The following DSCAML1 variants were observed in gnomAD, a reference collection of about 807,000 sequenced individuals.
The protein encoded by DSCAML1 is DS cell adhesion molecule like 1, also known as cell adhesion molecule DSCAML1.
DSCAML1 carries 38 observed loss-of-function variants against 200.5 expected under a neutral mutation model. The ratio of observed to expected loss-of-function variants is 0.19; its 90% CI spans 0.15 to 0.25. The LOEUF (loss-of-function observed/expected upper bound fraction) is 0.25. Ranked by LOEUF, DSCAML1 falls within the 10% of genes least tolerant of loss-of-function variation. The pLI is 1.00. For synonymous variants in DSCAML1, 1,215 were observed against 1,165.0 expected, an observed-to-expected ratio of 1.04 and a Z score of -0.87; for missense variants, 2,223 against 2,858.8, an observed-to-expected ratio of 0.78 and a Z score of 5.07.
In DSCAML1 at chr11:117,637,832, C is replaced by T. The variant is rs540726408; in HGVS notation, c.512-105310G>A. 2.6e-5 allele frequency among the ~76,000 whole-genome samples: 4 copies of T among 152,322 alleles called. No homozygotes were observed. In the South Asian group the frequency reaches 6.2e-4, roughly 24 times the overall value. ...AGCCAATGCACTGTGATTACATTAG[C>T]GGAGAAATAATCTCCATTCAAAGGG... On this transcript the variant is annotated intron_variant, in intron 3 of 32. Coordinates refer to ENST00000651296, the MANE Select transcript of DSCAML1 (RefSeq NM_020693.4).
intron 3 of DSCAML1, among the ~76,000 whole-genome samples, chr11:117,618,973 C>T (rs2051868456): frequency 6.6e-6 from 1 of 152,196 alleles, no homozygotes; most frequent in African/African-American, 2.4e-5. Context: ...TTTGTCTGCA[C>T]AATCCCAGGA....
At chr11:117,545,236 C>A (rs201166527) in intron 3 of DSCAML1, among the ~76,000 whole-genome samples, 64,418 of 139,430 alleles carry the variant, frequency 0.46, 15,096 homozygotes, top group African/African-American at 0.6. Flanking sequence ...TAAAAAAAAA[C>A]ACACACACAC....
intron 1 of DSCAML1, among the ~76,000 whole-genome samples, chr11:117,808,600 A>T (rs1037505384): frequency 1.3e-5 from 2 of 152,192 alleles, no homozygotes; most frequent in Non-Finnish European, 2.9e-5. Context: ...AGCTTAGCAT[A>T]GGTCTTGGGG....
rs71722067 is a variant in DSCAML1 at position 117,520,709 on chromosome 11, ACT to A, written c.1213+419_1213+420del. On this transcript the variant is annotated intron_variant, in intron 6 of 32. Transcript: ENST00000651296. ...AGACCAGCCTGAGCAACATAGTGAG[ACT>A]CTGTCTCTGAAAACAAAACAAAACA... 6.4e-3 allele frequency among the ~76,000 whole-genome samples: 974 copies of A among 152,158 alleles called. 10 individuals carry two copies. The highest frequency in any genetic ancestry group is 0.022 in the African/African-American group (930 of 41,500).
intron 16 of DSCAML1, among the ~76,000 whole-genome samples, chr11:117,467,908 A>C (rs1356908757): frequency 6.6e-6 from 1 of 152,192 alleles, no homozygotes; most frequent in African/African-American, 2.4e-5. Flanking sequence ...ATACTATGCC[A>C]CAGATTGCCT....
chr11:117,515,537 A>G (rs1204661393), intron 8 of DSCAML1, among the ~76,000 whole-genome samples: 4 of 148,558 alleles, frequency 2.7e-5, no homozygotes, highest in African/African-American at 7.5e-5. Context: ...AGACTTAGTG[A>G]GCGGCTACCC....
chr11:117,609,308 TTTC>T lies in DSCAML1; in HGVS notation c.512-76789_512-76787del, dbSNP rs1479309457. Reference sequence around the variant, plus strand: ...TGATTTTCTTTTCTTTCTTTCTTTCTTTCTTTTTTTTTTTTTTGAGACAGGGTC... The same window carrying T: ...TGATTTTCTTTTCTTTCTTTCTTTCTTTTTTTTTTTTTTTGAGACAGGGTC... On this transcript the variant is annotated intron_variant, in intron 3 of 32. Coordinates refer to ENST00000651296, the MANE Select transcript of DSCAML1 (RefSeq NM_020693.4). Among the ~76,000 whole-genome samples, 740 of 147,570 alleles carry T rather than the reference TTTC, an allele frequency of 5.0e-3. 2 individuals are homozygous for T. Among genetic ancestry groups the T allele is most frequent in the African/African-American group, 0.017 (668 of 39,366 alleles).
chr11:117,808,903 T>G (rs1199780423), intron 1 of DSCAML1, among the ~76,000 whole-genome samples: 2 of 152,164 alleles, frequency 1.3e-5, no homozygotes, highest in East Asian at 3.9e-4. Context: ...CTTTAATGAG[T>G]TGGATATCAC....
intron 3 of DSCAML1, among the ~76,000 whole-genome samples, chr11:117,690,815 G>A (rs992746309): frequency 1.3e-5 from 2 of 152,220 alleles, no homozygotes; most frequent in African/African-American, 4.8e-5. Context: ...CTACCACAGG[G>A]AACCCTGGGA....
intron 3 of DSCAML1, among the ~76,000 whole-genome samples, chr11:117,758,186 A>G (rs964208055): frequency 6.6e-6 from 1 of 151,742 alleles, no homozygotes; most frequent in Non-Finnish European, 1.5e-5. Context: ...CTATAATCCC[A>G]GCTAGTCGGG....
chr11:117,720,173 C>T (rs535727608), intron 3 of DSCAML1, among the ~76,000 whole-genome samples: 8 of 152,262 alleles, frequency 5.3e-5, no homozygotes, highest in South Asian at 2.1e-4. Flanking sequence ...GCCCCCCGCC[C>T]GCACAGCCCA....
chr11:117,604,623 C>T (rs1054127858), intron 3 of DSCAML1, among the ~76,000 whole-genome samples: 3 of 152,196 alleles, frequency 2.0e-5, no homozygotes, highest in Non-Finnish European at 4.4e-5. Context: ...TCAGATGGGG[C>T]GGTCCAAGCC....
At chr11:117,547,441 G>A (rs531112159) in intron 3 of DSCAML1, among the ~76,000 whole-genome samples, 29 of 152,236 alleles carry the variant, frequency 1.9e-4, no homozygotes, top group Non-Finnish European at 3.7e-4. Flanking sequence ...CTTCTAAGGC[G>A]CGGCCCCACC....
intron 3 of DSCAML1, among the ~76,000 whole-genome samples, chr11:117,598,629 A>C (rs1182015755): frequency 1.3e-5 from 2 of 152,174 alleles, no homozygotes; most frequent in East Asian, 3.9e-4. Context: ...TTTATTCCCC[A>C]AACATAAAGT....
rs138117957 is a variant in DSCAML1, at chr11:117,589,676, C to T, written c.512-57154G>A. On this transcript the variant is annotated intron_variant, in intron 3 of 32. Transcript: ENST00000651296. Reference sequence around the variant, plus strand: ...GCGACTGAATCCAGGTTGTGAGTTGCAAAGAGCCCCTGGGATTGGGCAAAG... The same window carrying T: ...GCGACTGAATCCAGGTTGTGAGTTGTAAAGAGCCCCTGGGATTGGGCAAAG... Among the ~76,000 whole-genome samples, 364 of 152,306 alleles carry T rather than the reference C, an allele frequency of 2.4e-3. 4 individuals carry two copies. The highest frequency in any genetic ancestry group is 8.4e-3 in the African/African-American group (348 of 41,566).
At chr11:117,602,837 G>A (rs572835759) in intron 3 of DSCAML1, among the ~76,000 whole-genome samples, 9 of 152,112 alleles carry the variant, frequency 5.9e-5, no homozygotes, top group African/African-American at 1.4e-4. Context: ...GGTGGCTCAC[G>A]CCTGTAAGCC....
chr11:117,735,728 T>C (rs1418720505), intron 3 of DSCAML1, among the ~76,000 whole-genome samples: 5 of 152,208 alleles, frequency 3.3e-5, no homozygotes, highest in Admixed American at 2.6e-4. Context: ...GCATAGACTA[T>C]GCTGGGCCCG....
At chr11:117,646,505 C>T (rs2052525280) in intron 3 of DSCAML1, among the ~76,000 whole-genome samples, 1 of 152,178 alleles carries the variant, frequency 6.6e-6, no homozygotes, top group Admixed American at 6.5e-5. Flanking sequence ...ACATTTCTGT[C>T]TCCTGATACT....
At chr11:117,735,219 A>G (rs1015517353) in intron 3 of DSCAML1, among the ~76,000 whole-genome samples, 2 of 152,332 alleles carry the variant, frequency 1.3e-5, no homozygotes, top group East Asian at 1.9e-4. Flanking sequence ...AGGTGGAGGA[A>G]GGAAAGAAGA....
Sources: allele counts gnomAD v4.1 joint callset (sites outside exome capture counted in the v4.1 genomes callset), GRCh38; gene constraint gnomAD v4.1.1; transcripts MANE v1.5; gene names NCBI Gene and HGNC (gene_info 2026-07-23, HGNC 2026-07-21).